Variants in TRHR observed in about 807,000 individuals in gnomAD.
The protein encoded by TRHR is thyrotropin releasing hormone receptor.
In TRHR, 14 loss-of-function variants were observed where a neutral mutation model predicts 28.0. That is an observed-to-expected ratio of 0.50 (90% CI 0.33 to 0.78). The LOEUF (loss-of-function observed/expected upper bound fraction) is 0.78, where lower values mean the gene tolerates loss of function less well. Ranked by LOEUF, TRHR falls within the 30% of genes least tolerant of loss-of-function variation. The probability of loss-of-function intolerance (pLI) is 0.02; values close to 1 mark genes in which losing one functional copy is unlikely to be tolerated. For missense variants in TRHR, 438 were observed against 469.5 expected, an observed-to-expected ratio of 0.93 and a Z score of 0.62; for synonymous variants, 176 against 171.9, an observed-to-expected ratio of 1.02 and a Z score of -0.18.
intron 2 of TRHR, among the ~76,000 whole-genome samples, chr8:109,110,880 G>C (rs1811822321): frequency 1.3e-5 from 2 of 152,182 alleles, no homozygotes; most frequent in Non-Finnish European, 2.9e-5. Context: ...TGTCAGTTGG[G>C]TGCGGTGGCT....
intron 2 of TRHR, among the ~76,000 whole-genome samples, chr8:109,105,649 G>A (rs112760967): frequency 1.7e-4 from 26 of 152,230 alleles, no homozygotes; most frequent in Admixed American, 6.5e-4. Flanking sequence ...GGGAAATAAT[G>A]AAATGCTGAA....
chr8:109,109,133 C>A (rs1184445631), intron 2 of TRHR, among the ~76,000 whole-genome samples: 1 of 152,178 alleles, frequency 6.6e-6, no homozygotes, highest in Non-Finnish European at 1.5e-5. Context: ...TAGGCATAAA[C>A]TCTTGTGTAG....
chr8:109,101,457 A>G (rs1033782942), intron 2 of TRHR, among the ~76,000 whole-genome samples: 11 of 152,084 alleles, frequency 7.2e-5, no homozygotes, highest in African/African-American at 2.7e-4. Context: ...TTAACTTACA[A>G]CCTTGAGCCT....
intron 2 of TRHR, among the ~76,000 whole-genome samples, chr8:109,115,265 T>C (rs1228920526): frequency 1.3e-5 from 2 of 152,152 alleles, no homozygotes; most frequent in African/African-American, 4.8e-5. Flanking sequence ...TCCAGCTTTG[T>C]TCTTTTGGCT....
At chr8:109,111,954 T>G (rs368796029) in intron 2 of TRHR, among the ~76,000 whole-genome samples, 59 of 152,336 alleles carry the variant, frequency 3.9e-4, no homozygotes, top group African/African-American at 1.4e-3. Context: ...ATGATAAGGT[T>G]GTCACCATCT....
chr8:109,088,347 G>C, intron 2 of TRHR, 46 bp downstream of exon 2: 1 of 1,593,854 alleles, frequency 6.3e-7, no homozygotes, highest in Non-Finnish European at 8.6e-7. Context: ...ATGTGGGATA[G>C]AGTTCCTTGG....
chr8:109,091,507 G>GA, intron 2 of TRHR, among the ~76,000 whole-genome samples: 1 of 152,144 alleles, frequency 6.6e-6, no homozygotes, highest in Admixed American at 6.5e-5. Flanking sequence ...TTTCTTTTAG[G>GA]AAAGTTTAAC....
At position 109,121,330 on chromosome 8, in the gene TRHR, A is replaced by G. The variant is rs1372692926; in HGVS notation, c.*1875A>G. Among the ~76,000 whole-genome samples the G allele has an allele frequency of 1.3e-5, 2 of 151,628 alleles. No homozygotes were observed. The highest frequency in any genetic ancestry group is 3.0e-5 in the Non-Finnish European group (2 of 67,782). ...AGCACATGTGTGTTTATAAACACAT[A>G]CCCACATGTTCATAAATTGGTGAAA... On this transcript the variant is annotated 3_prime_UTR_variant, in exon 3 of 3. Coordinates refer to ENST00000518632, the MANE Select transcript of TRHR (RefSeq NM_003301.7).
chr8:109,108,720 G>A (rs1225824266), intron 2 of TRHR, among the ~76,000 whole-genome samples: 4 of 152,130 alleles, frequency 2.6e-5, no homozygotes, highest in Admixed American at 1.3e-4. Context: ...CATTTTTCCA[G>A]CATGGCTCAT....
rs1171377181 is a variant in TRHR at position 109,121,240 on chromosome 8, G to T, written c.*1785G>T. The stretch of plus-strand genomic sequence containing the variant: ...CTATGTTAACTGACTTTTCATTCTG[G>T]TATAAATATTAATCTTGGCATCATA... On this transcript the variant is annotated 3_prime_UTR_variant, in exon 3 of 3. Coordinates refer to ENST00000518632, the MANE Select transcript of TRHR (RefSeq NM_003301.7). Among the ~76,000 whole-genome samples the T allele has an allele frequency of 6.6e-6, 1 of 151,538 alleles. No homozygotes were observed. Among genetic ancestry groups the T allele is most frequent in the Non-Finnish European group, 1.5e-5 (1 of 67,766 alleles).
intron 2 of TRHR, among the ~76,000 whole-genome samples, chr8:109,095,381 T>C (rs994263544): frequency 6.6e-6 from 1 of 151,710 alleles, no homozygotes; most frequent in Admixed American, 6.6e-5. Context: ...AGCTATAAAG[T>C]CAGAGAAAAA....
chr8:109,108,083 T>C (rs747809871), intron 2 of TRHR, among the ~76,000 whole-genome samples: 4 of 152,114 alleles, frequency 2.6e-5, no homozygotes, highest in Admixed American at 6.6e-5. Flanking sequence ...CTGAGCATAG[T>C]ACAGGCTGTC....
chr8:109,094,943 G>T (rs962824498), intron 2 of TRHR, among the ~76,000 whole-genome samples: 1 of 151,210 alleles, frequency 6.6e-6, no homozygotes, highest in Non-Finnish European at 1.5e-5. Context: ...CATGCACACA[G>T]ATACTCCAAG....
Position 109,088,022 on chromosome 8 carries a change from C to G in TRHR, c.510C>G (p.Thr170=). The change falls in exon 2 of 3, where the codon ACC becomes ACG. Residue 170 remains threonine (T), a synonymous_variant. Transcript: ENST00000518632. The stretch of plus-strand genomic sequence containing the variant: ...TCTTGCTGGATCTCAATATTAGCAC[C>G]TACAAAGATGCTATTGTGATATCCT... The part of the protein sequence containing the change: ...WFFLLDLNIS[T]YKDAIVISCG... The G allele has an allele frequency of 2.5e-6, 4 of 1,614,102 alleles. No individual in the cohort carries two copies. Among genetic ancestry groups the G allele is most frequent in the Non-Finnish European group, 3.4e-6 (4 of 1,180,018 alleles).
chr8:109,116,606 C>T (rs1276572224), intron 2 of TRHR, among the ~76,000 whole-genome samples: 1 of 151,872 alleles, frequency 6.6e-6, no homozygotes, highest in East Asian at 1.9e-4. Context: ...GTTTATAGTA[C>T]ATTCTGATGG....
intron 2 of TRHR, among the ~76,000 whole-genome samples, chr8:109,103,448 G>A (rs576564688): frequency 3.9e-5 from 6 of 152,274 alleles, no homozygotes; most frequent in African/African-American, 9.6e-5. Context: ...TGTGAGGTAC[G>A]AATGCTCTTA....
chr8:109,115,916 C>T (rs1332796298), intron 2 of TRHR, among the ~76,000 whole-genome samples: 1 of 152,172 alleles, frequency 6.6e-6, no homozygotes, highest in African/African-American at 2.4e-5. Flanking sequence ...CAGTTTTTGC[C>T]CATTCAGTAT....
intron 2 of TRHR, among the ~76,000 whole-genome samples, chr8:109,095,879 C>T (rs2129883886): frequency 6.6e-6 from 1 of 151,592 alleles, no homozygotes; most frequent in South Asian, 2.1e-4. Flanking sequence ...GATTCCAGCT[C>T]ATTATTCTCC....
chr8:109,106,532 C>G lies in TRHR; in HGVS notation c.790-12516C>G, dbSNP rs1002811593. ...TATTTCTACAGAATAACAGACTGTTCCCCGAAAAAATTTTCTTCACTGTAA... is the reference window on the plus strand; with the variant it reads ...TATTTCTACAGAATAACAGACTGTTGCCCGAAAAAATTTTCTTCACTGTAA... On this transcript the variant is annotated intron_variant, in intron 2 of 2. Transcript: ENST00000518632. Among the ~76,000 whole-genome samples, 10 of 152,066 alleles carry G rather than the reference C, an allele frequency of 6.6e-5. 1 individual carries two copies. The highest frequency in any genetic ancestry group is 3.9e-4 in the Admixed American group (6 of 15,248).
Sources: gnomAD v4.1 joint callset for allele counts (sites outside exome capture counted in the v4.1 genomes callset) on GRCh38, gnomAD v4.1.1 for gene constraint, MANE v1.5 for transcripts, NCBI Gene and HGNC (gene_info 2026-07-23, HGNC 2026-07-21) for gene names.